Variants in EHHADH observed in about 807,000 individuals in gnomAD.
EHHADH encodes enoyl-CoA hydratase and 3-hydroxyacyl CoA dehydrogenase.
Under a neutral mutation model 64.4 loss-of-function variants are expected in EHHADH, and 48 were observed. The ratio of observed to expected loss-of-function variants is 0.75; its 90% CI spans 0.59 to 0.95. The LOEUF is 0.95. Among genes scored for constraint, EHHADH ranks in the 40% least tolerant of loss-of-function variants. EHHADH has a pLI of 0.00. For synonymous variants in EHHADH, 308 were observed against 326.7 expected (o/e 0.94, Z 0.62); for missense variants, 854 against 876.6 (o/e 0.97, Z 0.33).
chr3:185,240,898 A>C (rs979922497), intron 2 of EHHADH, among the ~76,000 whole-genome samples: 5 of 151,778 alleles, frequency 3.3e-5, no homozygotes, highest in African/African-American at 1.2e-4. Flanking sequence ...ATTTTGGTGC[A>C]CCCATCACCC....
rs1478735998 is a variant in EHHADH, at chr3:185,204,476, G to C, written c.850C>G (p.Pro284Ala). 2 of 1,614,074 alleles carry C rather than the reference G, an allele frequency of 1.2e-6. No individual in the cohort carries two copies. The highest frequency in any genetic ancestry group is 2.2e-5 in the East Asian group (1 of 44,882). Residue 284 changes from proline to alanine, a missense_variant, in exon 6 of 7, where the codon CCC (proline) becomes GCC (alanine). Coordinates refer to ENST00000231887, the MANE Select transcript of EHHADH (RefSeq NM_001966.4). ...GCTGTTTTCCACGATGCTCCGGAGG[G>C]AGTTGACCACTTATTTGCTTTCCTT... The part of the protein sequence containing the change: ...AERKANKWST[P>A]SGASWKTASA...
In EHHADH at chr3:185,218,256, ACAACAATAACAACAAAT is replaced by A; in HGVS notation, c.464-33_464-17del. On this transcript the variant is annotated splice_polypyrimidine_tract_variant and intron_variant, in intron 4 of 6. Coordinates refer to ENST00000231887, the MANE Select transcript of EHHADH (RefSeq NM_001966.4). ...ATACGTCTTCCTGAAATAAACAACA[ACAACAATAACAACAAAT>A]CAAAGAGCGATGTAAGATTAAAGCA... 6.5e-7 allele frequency: 1 copy of A among 1,546,632 alleles called. No homozygotes were observed. Among genetic ancestry groups the A allele is most frequent in the Non-Finnish European group, 8.9e-7 (1 of 1,128,290 alleles).
chr3:185,195,711 G>A (rs2108624442), intron 6 of EHHADH, among the ~76,000 whole-genome samples: 1 of 152,270 alleles, frequency 6.6e-6, no homozygotes, highest in African/African-American at 2.4e-5. Flanking sequence ...TCACTTATAA[G>A]TGTGAGCTGA....
At chr3:185,242,456 G>A (rs369447326) in intron 2 of EHHADH, among the ~76,000 whole-genome samples, 1 of 152,186 alleles carries the variant, frequency 6.6e-6, no homozygotes, top group Middle Eastern at 3.2e-3. Flanking sequence ...CATGGTACTA[G>A]TATAAAAATA....
At chr3:185,228,313 A>T (rs981753763) in intron 4 of EHHADH, among the ~76,000 whole-genome samples, 10 of 138,022 alleles carry the variant, frequency 7.2e-5, no homozygotes, top group Admixed American at 1.5e-4. Context: ...GAAAGAGAGT[A>T]AATCCAGGGT....
chr3:185,195,912 C>A (rs1038561593), intron 6 of EHHADH, among the ~76,000 whole-genome samples: 22 of 152,074 alleles, frequency 1.4e-4, no homozygotes, highest in Non-Finnish European at 1.2e-4. Flanking sequence ...GCACACGTAC[C>A]CCCTGAATCT....
intron 5 of EHHADH, among the ~76,000 whole-genome samples, chr3:185,213,379 C>A (rs1056845872): frequency 4.6e-5 from 7 of 151,968 alleles, no homozygotes; most frequent in Non-Finnish European, 8.8e-5. Context: ...CTTTAACAAG[C>A]CCACCAAAAA....
chr3:185,203,900 G>T (rs1191653437), intron 6 of EHHADH, among the ~76,000 whole-genome samples: 1 of 152,082 alleles, frequency 6.6e-6, no homozygotes, highest in Non-Finnish European at 1.5e-5. Context: ...AGAAATTTGG[G>T]ACGCTAAGGC....
rs530251662 is a variant in EHHADH, at chr3:185,230,653, A to G, written c.352-1110T>C. 1.6e-4 allele frequency among the ~76,000 whole-genome samples: 21 copies of G among 127,522 alleles called. No individual in the cohort carries two copies. The East Asian group carries it at 4.9e-3, about 30-fold the overall frequency. The allele number at this position is 127,522 out of a possible 152,430, so 83.7% of individuals were successfully genotyped here. On this transcript the variant is annotated intron_variant, in intron 3 of 6. Transcript: ENST00000231887. ...AAAAAAGCCAGTCACAGGAGACCAC[A>G]TATCGTATGATTCTGTTTATATGAA... is the stretch of plus-strand genomic sequence containing the variant.
At chr3:185,198,211 A>C (rs2108625869) in intron 6 of EHHADH, among the ~76,000 whole-genome samples, 1 of 149,900 alleles carries the variant, frequency 6.7e-6, no homozygotes, top group Admixed American at 6.7e-5. Context: ...GCAACATTTT[A>C]TTATTTATTT....
At chr3:185,200,486 T>C (rs767710601) in intron 6 of EHHADH, among the ~76,000 whole-genome samples, 9 of 152,198 alleles carry the variant, frequency 5.9e-5, no homozygotes, top group Non-Finnish European at 1.2e-4. Flanking sequence ...ACTTTAGCTT[T>C]GATAAAACTT....
chr3:185,198,541 TG>T (rs1718135151), intron 6 of EHHADH, among the ~76,000 whole-genome samples: 1 of 151,708 alleles, frequency 6.6e-6, no homozygotes, highest in South Asian at 2.1e-4. Flanking sequence ...CATTTTACAT[TG>T]AATCGCTTTT....
At chr3:185,202,338 C>CAAA (rs35411232) in intron 6 of EHHADH, among the ~76,000 whole-genome samples, 1 of 126,276 alleles carries the variant, frequency 7.9e-6, no homozygotes, top group East Asian at 2.3e-4. Context: ...AACTCCATAT[C>CAAA]AAAAAAAAAA....
At chr3:185,215,497 A>AC (rs1329525168) in intron 5 of EHHADH, among the ~76,000 whole-genome samples, 2 of 152,198 alleles carry the variant, frequency 1.3e-5, no homozygotes, top group African/African-American at 2.4e-5. Flanking sequence ...GCCTGCGGCC[A>AC]AGGGGAAGAA....
At chr3:185,215,671 G>A (rs1360101005) in intron 5 of EHHADH, among the ~76,000 whole-genome samples, 1 of 151,672 alleles carries the variant, frequency 6.6e-6, no homozygotes, top group Non-Finnish European at 1.5e-5. Context: ...CAATACAGCT[G>A]GAAAAAATAA....
At chr3:185,207,404 G>C (rs1322766198) in intron 5 of EHHADH, among the ~76,000 whole-genome samples, 2 of 152,138 alleles carry the variant, frequency 1.3e-5, no homozygotes, top group Non-Finnish European at 2.9e-5. Context: ...TGTGGTGAGG[G>C]GGATTCAACA....
At chr3:185,205,901 G>A (rs1196078530) in intron 5 of EHHADH, among the ~76,000 whole-genome samples, 11 of 152,128 alleles carry the variant, frequency 7.2e-5, no homozygotes, top group Non-Finnish European at 1.5e-4. Context: ...GGTCTGAGAT[G>A]TGCAAGCACC....
Position 185,235,453 on chromosome 3 carries a change from A to G in EHHADH, c.188T>C (p.Ile63Thr). ...TGTCCTAGGAGCACTGAAGCCACGAATATCAGCACCTAAGGGCACAAAGAC... is the reference window on the plus strand; with the variant it reads ...TGTCCTAGGAGCACTGAAGCCACGAGTATCAGCACCTAAGGGCACAAAGAC... Reference protein sequence around the residue: ...AEGKFSAGADIRGFSAPRTFG... With the variant: ...AEGKFSAGADTRGFSAPRTFG... Residue 63 changes from isoleucine to threonine, a missense_variant, in exon 3 of 7, where the codon ATT (isoleucine) becomes ACT (threonine). By Grantham distance (89) the Ile-to-Thr change is moderately conservative. Coordinates refer to ENST00000231887, the MANE Select transcript of EHHADH (RefSeq NM_001966.4). The G allele has an allele frequency of 6.2e-7, 1 of 1,609,330 alleles. No homozygotes were observed. Among genetic ancestry groups the G allele is most frequent in the Non-Finnish European group, 8.5e-7 (1 of 1,177,702 alleles).
chr3:185,248,668 T>C, intron 1 of EHHADH, 151 bp from the exon 2 acceptor site: 3 of 588,156 alleles, frequency 5.1e-6, no homozygotes, highest in Non-Finnish European at 8.9e-6. Context: ...ACAAATAATA[T>C]GTCTACTATG....
Sources: gnomAD v4.1 joint callset for allele counts (sites outside exome capture counted in the v4.1 genomes callset) on GRCh38, gnomAD v4.1.1 for gene constraint, MANE v1.5 for transcripts, NCBI Gene and HGNC (gene_info 2026-07-23, HGNC 2026-07-21) for gene names.